The following ATP8A1 variants were observed in gnomAD, a reference collection of about 807,000 sequenced individuals.
The protein encoded by ATP8A1 is ATPase phospholipid transporting 8A1.
A neutral mutation model predicts 177.7 loss-of-function variants in ATP8A1; 90 were observed. That is an observed-to-expected ratio of 0.51 (90% CI 0.43 to 0.60). The LOEUF is 0.60. Among genes scored for constraint, ATP8A1 ranks in the 20% least tolerant of loss-of-function variants. The pLI is 0.00. For synonymous variants in ATP8A1, 493 were observed against 485.9 expected (o/e 1.01, Z -0.19); for missense variants, 1,072 against 1,392.8 (o/e 0.77, Z 3.67).
At chr4:42,447,779 G>A (rs1717446745) in intron 30 of ATP8A1, among the ~76,000 whole-genome samples, 1 of 152,134 alleles carries the variant, frequency 6.6e-6, no homozygotes, top group Admixed American at 6.5e-5. Flanking sequence ...TAACAGTTGT[G>A]TCATTTTGGG....
intron 5 of ATP8A1, among the ~76,000 whole-genome samples, chr4:42,608,864 C>T (rs923601174): frequency 6.6e-6 from 1 of 152,118 alleles, no homozygotes; most frequent in African/African-American, 2.4e-5. Flanking sequence ...AGCCAATATG[C>T]CAACATTAAA....
chr4:42,583,717 A>G (rs545498451), intron 9 of ATP8A1, among the ~76,000 whole-genome samples: 2 of 152,308 alleles, frequency 1.3e-5, no homozygotes, highest in Admixed American at 6.5e-5. Flanking sequence ...TTGGGTAATC[A>G]CTGTAAACCC....
intron 25 of ATP8A1, among the ~76,000 whole-genome samples, chr4:42,476,810 A>T (rs1721114819): frequency 6.6e-6 from 1 of 152,184 alleles, no homozygotes; most frequent in Non-Finnish European, 1.5e-5. Context: ...ATAATCAACA[A>T]CAACAAAAAA....
At chr4:42,580,507 A>G (rs1380044460) in intron 10 of ATP8A1, among the ~76,000 whole-genome samples, 2 of 152,248 alleles carry the variant, frequency 1.3e-5, no homozygotes, top group Non-Finnish European at 2.9e-5. Context: ...AAAGAATAAC[A>G]GAGGCAAGTT....
At chr4:42,422,382 G>A (rs374546383) in intron 35 of ATP8A1, among the ~76,000 whole-genome samples, 38 of 152,250 alleles carry the variant, frequency 2.5e-4, no homozygotes, top group African/African-American at 7.7e-4. Flanking sequence ...GAGCCACCAC[G>A]CCTGGCCAAT....
chr4:42,540,553 TA>T (rs147451489), intron 20 of ATP8A1, among the ~76,000 whole-genome samples: 17,382 of 142,518 alleles, frequency 0.12, 1,028 homozygotes, highest in Middle Eastern at 0.18. Flanking sequence ...GACCAATAGA[TA>T]AAAAAAAAAA....
chr4:42,624,328 T>C (rs573233079), intron 4 of ATP8A1, among the ~76,000 whole-genome samples: 1 of 151,996 alleles, frequency 6.6e-6, no homozygotes, highest in Admixed American at 6.5e-5. Context: ...AAACTATAAA[T>C]GCAATAGAAC....
At chr4:42,435,885 C>T (rs1039595210) in intron 33 of ATP8A1, among the ~76,000 whole-genome samples, 12 of 152,282 alleles carry the variant, frequency 7.9e-5, no homozygotes, top group Middle Eastern at 3.4e-3. Flanking sequence ...GTGTTCCTCC[C>T]GTCACTTATC....
chr4:42,563,173 T>A (rs1368005181), intron 15 of ATP8A1, among the ~76,000 whole-genome samples: 1 of 152,170 alleles, frequency 6.6e-6, no homozygotes, highest in Non-Finnish European at 1.5e-5. Flanking sequence ...ATGTGGACAA[T>A]AAGGTCCAGG....
intron 25 of ATP8A1, among the ~76,000 whole-genome samples, chr4:42,467,129 GAA>G (rs1202513548): frequency 6.6e-6 from 1 of 152,170 alleles, no homozygotes; most frequent in Non-Finnish European, 1.5e-5. Flanking sequence ...AAAAGCATCA[GAA>G]AAGAGTTGGA....
At chr4:42,635,782 C>CACACATATATATATATATATAT (rs1553920597) in intron 1 of ATP8A1, among the ~76,000 whole-genome samples, 2 of 51,982 alleles carry the variant, frequency 3.8e-5, no homozygotes, top group African/African-American at 1.2e-4. Flanking sequence ...CACACACACA[C>CACACATATATATATATATATAT]ATATATATAT....
intron 6 of ATP8A1, among the ~76,000 whole-genome samples, chr4:42,591,136 T>C (rs1036253480): frequency 4.6e-5 from 7 of 152,146 alleles, no homozygotes; most frequent in South Asian, 2.1e-4. Flanking sequence ...GTGTGAAAAC[T>C]TAATTTTTAA....
chr4:42,416,599 GCACATTACTCAGGAAAGAT>G (rs1713269175), intron 35 of ATP8A1, among the ~76,000 whole-genome samples: 1 of 152,122 alleles, frequency 6.6e-6, no homozygotes. Context: ...TAAGAAAGAA[GCACATTACTCAGGAAAGAT>G]CATGGGCTCT....
At chr4:42,582,543 G>C (rs1309710900) in intron 9 of ATP8A1, among the ~76,000 whole-genome samples, 1 of 124,210 alleles carries the variant, frequency 8.1e-6, no homozygotes, top group Non-Finnish European at 1.6e-5. Flanking sequence ...AAATAGCTTT[G>C]TACATAATAA....
At chr4:42,549,780 CAG>C (rs1270041532) in intron 18 of ATP8A1, among the ~76,000 whole-genome samples, 1 of 151,806 alleles carries the variant, frequency 6.6e-6, no homozygotes, top group Admixed American at 6.6e-5. Flanking sequence ...GCCTGGGTGA[CAG>C]AGCAAGACCC....
chr4:42,424,729 G>A (rs1034453235), intron 33 of ATP8A1, among the ~76,000 whole-genome samples: 18 of 152,110 alleles, frequency 1.2e-4, no homozygotes, highest in African/African-American at 3.9e-4. Context: ...CTCGATTAAG[G>A]ACTAGGAACT....
chr4:42,459,936 C>T (rs964973244), intron 27 of ATP8A1, among the ~76,000 whole-genome samples: 1 of 152,026 alleles, frequency 6.6e-6, no homozygotes, highest in Non-Finnish European at 1.5e-5. Flanking sequence ...GGACTACAGG[C>T]GCCTGCCACC....
chr4:42,440,025 T>C (rs1288892976), intron 33 of ATP8A1, among the ~76,000 whole-genome samples: 1 of 152,198 alleles, frequency 6.6e-6, no homozygotes, highest in Non-Finnish European at 1.5e-5. Context: ...GGCAACCCAT[T>C]TGGTGTGAGG....
intron 22 of ATP8A1, among the ~76,000 whole-genome samples, chr4:42,511,562 T>G (rs1725007426): frequency 6.6e-6 from 1 of 152,222 alleles, no homozygotes; most frequent in Non-Finnish European, 1.5e-5. Context: ...AAATAATGTT[T>G]ATTCACCTAG....
Sources: allele counts gnomAD v4.1 joint callset (sites outside exome capture counted in the v4.1 genomes callset), GRCh38; gene constraint gnomAD v4.1.1; transcripts MANE v1.5; gene names NCBI Gene and HGNC (gene_info 2026-07-23, HGNC 2026-07-21).